PTPRN2: variants seen among roughly 807,000 people sequenced by gnomAD.
The protein encoded by PTPRN2 is protein tyrosine phosphatase receptor type N2, also known as receptor-type tyrosine-protein phosphatase N2.
Under a neutral mutation model 118.8 loss-of-function variants are expected in PTPRN2, and 74 were observed. That is an observed-to-expected ratio of 0.62 (90% CI 0.52 to 0.76). The LOEUF (loss-of-function observed/expected upper bound fraction) is 0.76, where lower values mean the gene tolerates loss of function less well. Ranked by LOEUF, PTPRN2 falls within the 30% of genes least tolerant of loss-of-function variation. The probability of loss-of-function intolerance (pLI) is 0.00; values close to 1 mark genes in which losing one functional copy is unlikely to be tolerated. For synonymous variants in PTPRN2, 641 were observed against 608.0 expected, an observed-to-expected ratio of 1.05 and a Z score of -0.80; for missense variants, 1,481 against 1,394.4, an observed-to-expected ratio of 1.06 and a Z score of -0.99.
intron 1 of PTPRN2, among the ~76,000 whole-genome samples, chr7:158,537,036 C>A (rs75725240): frequency 1.3e-5 from 2 of 152,056 alleles, no homozygotes; most frequent in African/African-American, 4.8e-5. Flanking sequence ...GATTAGTGCC[C>A]TTATAGGAAG....
rs1052816154 is a variant in PTPRN2, at chr7:158,532,148, G to C, written c.113-42363C>G. ...CATTAACAGAGGCTCCCTAAAGAAGGGGGTGCCGGAGGGAGGTGCAGACCG... is the reference window on the plus strand; with the variant it reads ...CATTAACAGAGGCTCCCTAAAGAAGCGGGTGCCGGAGGGAGGTGCAGACCG... On this transcript the variant is annotated intron_variant, in intron 1 of 22. Transcript: ENST00000389418. Among the ~76,000 whole-genome samples the C allele has an allele frequency of 2.6e-5, 4 of 152,350 alleles. No homozygotes were observed. The East Asian group carries it at 5.8e-4, about 22-fold the overall frequency.
intron 3 of PTPRN2, among the ~76,000 whole-genome samples, chr7:158,277,791 G>A (rs1799124455): frequency 6.6e-6 from 1 of 152,192 alleles, no homozygotes; most frequent in African/African-American, 2.4e-5. Flanking sequence ...GCAGCCCAGG[G>A]CAGCTACAGA....
At chr7:158,456,271 C>G (rs1280580370) in intron 2 of PTPRN2, among the ~76,000 whole-genome samples, 1 of 149,796 alleles carries the variant, frequency 6.7e-6, no homozygotes, top group Non-Finnish European at 1.5e-5. Context: ...TCGGCCACGG[C>G]CCCCCATTGC....
intron 19 of PTPRN2, among the ~76,000 whole-genome samples, chr7:157,573,233 A>AGCACGTATGTGCACACGTGT (rs1224937170): frequency 6.6e-6 from 1 of 152,274 alleles, no homozygotes; most frequent in Non-Finnish European, 1.5e-5. Context: ...GTGTGACGTG[A>AGCACGTATGTGCACACGTGT]GCACGTATGT....
chr7:157,706,915 C>T (rs1289896287), intron 12 of PTPRN2, among the ~76,000 whole-genome samples: 13 of 149,204 alleles, frequency 8.7e-5, no homozygotes, highest in Admixed American at 3.3e-4. Context: ...TCCAGAATGC[C>T]GGGAACTGAG....
intron 11 of PTPRN2, among the ~76,000 whole-genome samples, chr7:158,080,579 T>TAAAAAAAAAAAA (rs372522598): frequency 2.1e-5 from 3 of 141,864 alleles, no homozygotes; most frequent in Non-Finnish European, 3.0e-5. Flanking sequence ...TCAACAAGTT[T>TAAAAAAAAAAAA]AAAAAAAAAA....
rs146010001 is a variant in PTPRN2 at position 157,813,222 on chromosome 7, T to C, written c.1788+85451A>G. Among the ~76,000 whole-genome samples, 231 of 152,156 alleles carry C rather than the reference T, an allele frequency of 1.5e-3. 1 individual carries two copies. The highest frequency in any genetic ancestry group is 5.0e-3 in the African/African-American group (208 of 41,474). On this transcript the variant is annotated intron_variant, in intron 12 of 22. Coordinates refer to ENST00000389418, the MANE Select transcript of PTPRN2 (RefSeq NM_002847.5). This position sits in a 1 kb window ranked among gnomAD's most constrained non-coding sequence, Gnocchi z 4.7. Reference sequence around the variant, plus strand: ...CAGTGACAGGGCCAGGGCAAGCCGGTTGGAGAAGTGGAACTTCAGTGGTAA... The same window carrying C: ...CAGTGACAGGGCCAGGGCAAGCCGGCTGGAGAAGTGGAACTTCAGTGGTAA...
Position 158,071,494 on chromosome 7 carries a change from T to C in PTPRN2, c.1723+9804A>G, listed in dbSNP as rs1368389616. 2.3e-5 allele frequency among the ~76,000 whole-genome samples: 3 copies of C among 129,846 alleles called. 1 individual carries two copies. Among genetic ancestry groups the C allele is most frequent in the African/African-American group, 6.4e-5 (2 of 31,270 alleles). The allele number at this position is 129,846 out of a possible 152,430, so 85.2% of individuals were successfully genotyped here. On this transcript the variant is annotated intron_variant, in intron 11 of 22. Transcript: ENST00000389418. ...GTGGTGGAGGTTCTCATGGTGCAGG[T>C]GCTCCTGGTGGAGATGCTCGTGGTG...
At chr7:158,464,956 A>G (rs1006531275) in intron 2 of PTPRN2, among the ~76,000 whole-genome samples, 4 of 152,170 alleles carry the variant, frequency 2.6e-5, no homozygotes, top group African/African-American at 9.7e-5. Flanking sequence ...TATTATCCCC[A>G]TTTTAGAGAT....
intron 12 of PTPRN2, among the ~76,000 whole-genome samples, chr7:157,875,420 C>T (rs954340469): frequency 2.0e-5 from 3 of 152,166 alleles, no homozygotes; most frequent in Non-Finnish European, 4.4e-5. Context: ...TGCTCCGGGT[C>T]ACACGTTATC....
At chr7:158,107,360 G>A (rs918040190) in intron 10 of PTPRN2, among the ~76,000 whole-genome samples, 1 of 152,120 alleles carries the variant, frequency 6.6e-6, no homozygotes, top group African/African-American at 2.4e-5. Context: ...CTGGTGTGCT[G>A]AAAGCCACTC....
At chr7:157,589,799 A>G (rs1011199607) in intron 17 of PTPRN2, among the ~76,000 whole-genome samples, 166 of 152,394 alleles carry the variant, frequency 1.1e-3, no homozygotes, top group African/African-American at 3.9e-3. Context: ...TAGGATTTTA[A>G]AAAGAAAGTT....
chr7:158,457,930 A>G (rs1322808747), intron 2 of PTPRN2, among the ~76,000 whole-genome samples: 2 of 152,180 alleles, frequency 1.3e-5, no homozygotes, highest in Non-Finnish European at 2.9e-5. Context: ...CCAAAACTTC[A>G]CACCTCTGAC....
At chr7:158,216,180 G>A (rs1827941847) in intron 3 of PTPRN2, among the ~76,000 whole-genome samples, 1 of 152,094 alleles carries the variant, frequency 6.6e-6, no homozygotes, top group South Asian at 2.1e-4. Flanking sequence ...TTATGAATAT[G>A]TATATGAATA....
rs1330129998 is a variant in PTPRN2, at chr7:158,570,019, GC to G, written c.112+17538del. Among the ~76,000 whole-genome samples, 1 of 152,152 alleles carries G rather than the reference GC, an allele frequency of 6.6e-6. No individual in the cohort carries two copies. The highest frequency in any genetic ancestry group is 1.5e-5 in the Non-Finnish European group (1 of 68,004). On this transcript the variant is annotated intron_variant, in intron 1 of 22. Coordinates refer to ENST00000389418, the MANE Select transcript of PTPRN2 (RefSeq NM_002847.5). The surrounding 1 kb of genome is among the most constrained non-coding windows in gnomAD (Gnocchi z 4.5). ...AGCCCAGAGCCCACGCGCCAAGGCCGCCAGGCCTTTCCTCCCTCGCGTTCCC... is the reference window on the plus strand; with the variant it reads ...AGCCCAGAGCCCACGCGCCAAGGCCGCAGGCCTTTCCTCCCTCGCGTTCCC...
chr7:157,606,447 C>T (rs956865110), intron 15 of PTPRN2, among the ~76,000 whole-genome samples: 2 of 152,254 alleles, frequency 1.3e-5, no homozygotes, highest in Non-Finnish European at 2.9e-5. Context: ...TCCAGAGGGC[C>T]TGTCACTGCC....
At chr7:157,814,386 A>G (rs1210214118) in intron 12 of PTPRN2, among the ~76,000 whole-genome samples, 1 of 151,890 alleles carries the variant, frequency 6.6e-6, no homozygotes, top group African/African-American at 2.4e-5. Context: ...GGCAGGGAGA[A>G]GGGTGGGGAG....
chr7:158,372,983 G>A (rs1336281919), intron 2 of PTPRN2, among the ~76,000 whole-genome samples: 4 of 152,084 alleles, frequency 2.6e-5, no homozygotes, highest in African/African-American at 4.8e-5. Flanking sequence ...CTAGAACACC[G>A]AAGGTAACAC....
intron 18 of PTPRN2, among the ~76,000 whole-genome samples, chr7:157,577,581 A>T (rs373126824): frequency 6.6e-6 from 1 of 152,216 alleles, no homozygotes; most frequent in East Asian, 1.9e-4. Context: ...CACACGGCTC[A>T]GGCACTGGCA....
Sources: allele counts gnomAD v4.1 joint callset (sites outside exome capture counted in the v4.1 genomes callset), GRCh38; gene constraint gnomAD v4.1.1; non-coding constraint Gnocchi (gnomAD v3.1); transcripts MANE v1.5; gene names NCBI Gene and HGNC (gene_info 2026-07-23, HGNC 2026-07-21).